PKP4: variants seen among roughly 807,000 people sequenced by gnomAD.
PKP4 encodes plakophilin 4, also known as plakophilin-4.
Under a neutral mutation model 145.1 loss-of-function variants are expected in PKP4, and 90 were observed. That is an observed-to-expected ratio of 0.62 (90% confidence interval 0.52 to 0.74). PKP4 has a LOEUF of 0.74. PKP4 is among the 30% of genes least tolerant of loss of function. The probability of loss-of-function intolerance (pLI) is 0.00; values close to 1 mark genes in which losing one functional copy is unlikely to be tolerated. For missense variants in PKP4, 1,340 were observed against 1,482.7 expected, an observed-to-expected ratio of 0.90 and a Z score of 1.58; for synonymous variants, 563 against 577.2, an observed-to-expected ratio of 0.98 and a Z score of 0.35.
chr2:158,503,381 A>G (rs1386027240), intron 1 of PKP4, among the ~76,000 whole-genome samples: 1 of 152,236 alleles, frequency 6.6e-6, no homozygotes, highest in Non-Finnish European at 1.5e-5. Context: ...AAATATTTTG[A>G]TAATTTATAA....
In PKP4 at chr2:158,494,906, G is replaced by T. The variant is rs186686954; in HGVS notation, c.-6+37688G>T. 2.5e-3 allele frequency among the ~76,000 whole-genome samples: 380 copies of T among 151,642 alleles called. 1 individual carries two copies. The highest frequency in any genetic ancestry group is 2.5e-3 in the Non-Finnish European group (171 of 67,942). ...TTTTTTTTAAAGTTGTGCATTTTTA[G>T]TAGTCAGGAAAACTATTAAATCAAT... On this transcript the variant is annotated intron_variant, in intron 1 of 21. Transcript: ENST00000389759.
chr2:158,609,050 C>T (rs1364857956), intron 4 of PKP4, among the ~76,000 whole-genome samples: 2 of 151,828 alleles, frequency 1.3e-5, no homozygotes, highest in Non-Finnish European at 2.9e-5. Context: ...CTCCTAACCT[C>T]AGGTGATCCG....
chr2:158,583,396 C>G (rs542956055), intron 3 of PKP4, among the ~76,000 whole-genome samples: 3 of 152,146 alleles, frequency 2.0e-5, no homozygotes, highest in East Asian at 3.9e-4. Flanking sequence ...CGTATTCTTA[C>G]TCCGTATTTT....
chr2:158,591,897 T>C (rs761177152), intron 3 of PKP4, among the ~76,000 whole-genome samples: 18 of 152,112 alleles, frequency 1.2e-4, no homozygotes, highest in South Asian at 2.1e-4. Context: ...CTCTGTTATG[T>C]TGTAAATTGT....
At chr2:158,638,895 G>A (rs1232061982) in intron 9 of PKP4, among the ~76,000 whole-genome samples, 1 of 152,106 alleles carries the variant, frequency 6.6e-6, no homozygotes, top group African/African-American at 2.4e-5. Flanking sequence ...CCATCTTTTT[G>A]TATTCTAGGG....
At chr2:158,472,154 TA>T (rs1691666898) in intron 1 of PKP4, among the ~76,000 whole-genome samples, 1 of 152,158 alleles carries the variant, frequency 6.6e-6, no homozygotes, top group African/African-American at 2.4e-5. Flanking sequence ...GAGTGGATGT[TA>T]GGGGTTCTCA....
At chr2:158,671,898 T>C (rs968664687) in intron 17 of PKP4, among the ~76,000 whole-genome samples, 1 of 152,082 alleles carries the variant, frequency 6.6e-6, no homozygotes, top group Non-Finnish European at 1.5e-5. Flanking sequence ...AGCACAGAGC[T>C]GGAGGAGGCA....
chr2:158,645,909 G>A (rs377249513), intron 11 of PKP4, among the ~76,000 whole-genome samples: 9 of 152,242 alleles, frequency 5.9e-5, no homozygotes, highest in East Asian at 5.8e-4. Flanking sequence ...AGTAGAGCCC[G>A]ACTTTACTAC....
chr2:158,591,280 T>C (rs1268870192), intron 3 of PKP4, among the ~76,000 whole-genome samples: 2 of 152,078 alleles, frequency 1.3e-5, no homozygotes, highest in Non-Finnish European at 2.9e-5. Context: ...ACTGACTAGA[T>C]ACTTGTTGAT....
At chr2:158,496,423 T>C (rs1207519337) in intron 1 of PKP4, among the ~76,000 whole-genome samples, 1 of 152,224 alleles carries the variant, frequency 6.6e-6, no homozygotes, top group African/African-American at 2.4e-5. Context: ...ATTCTGTGAA[T>C]TTGTTGGTGC....
At chr2:158,561,081 C>T (rs1041185215) in intron 2 of PKP4, among the ~76,000 whole-genome samples, 2 of 152,140 alleles carry the variant, frequency 1.3e-5, no homozygotes, top group Non-Finnish European at 2.9e-5. Context: ...TAATCAAAGG[C>T]AGAATATTTG....
chr2:158,602,536 A>C (rs1192797634), intron 3 of PKP4, among the ~76,000 whole-genome samples: 3 of 152,162 alleles, frequency 2.0e-5, no homozygotes, highest in African/African-American at 7.2e-5. Context: ...ACCCTCTAAT[A>C]ACCAAGGAAA....
intron 1 of PKP4, among the ~76,000 whole-genome samples, chr2:158,503,547 A>T (rs912604786): frequency 6.6e-6 from 1 of 152,122 alleles, no homozygotes; most frequent in Non-Finnish European, 1.5e-5. Flanking sequence ...TGTAATTTTT[A>T]ATTGTGTTTT....
At chr2:158,572,063 C>G (rs1165798196) in intron 2 of PKP4, among the ~76,000 whole-genome samples, 1 of 151,910 alleles carries the variant, frequency 6.6e-6, no homozygotes, top group Non-Finnish European at 1.5e-5. Context: ...TCAACCTAAA[C>G]AGGAAGAGAA....
At chr2:158,518,612 C>T (rs544123034) in intron 1 of PKP4, among the ~76,000 whole-genome samples, 14 of 152,326 alleles carry the variant, frequency 9.2e-5, no homozygotes, top group African/African-American at 3.4e-4. Context: ...AAATCATTTG[C>T]TTTGCACTGT....
chr2:158,492,005 C>T (rs930644452), intron 1 of PKP4, among the ~76,000 whole-genome samples: 30 of 152,186 alleles, frequency 2.0e-4, no homozygotes, highest in Non-Finnish European at 2.6e-4. Flanking sequence ...GATGATGTCT[C>T]GCTATCTTGG....
intron 4 of PKP4, among the ~76,000 whole-genome samples, chr2:158,615,683 A>G (rs60105035): frequency 0.068 from 10,398 of 152,232 alleles, 867 homozygotes; most frequent in African/African-American, 0.19. Flanking sequence ...GGAAATCACT[A>G]CGATACCAGT....
chr2:158,608,050 A>G (rs6751059), intron 4 of PKP4, among the ~76,000 whole-genome samples: 29,274 of 152,180 alleles, frequency 0.19, 3,632 homozygotes, highest in Middle Eastern at 0.36. Context: ...AAATAACAAA[A>G]GTATGATTAG....
At position 158,616,939 on chromosome 2, in the gene PKP4, TG is replaced by T. The variant is rs200065738; in HGVS notation, c.281-4047del. 4.4e-3 allele frequency among the ~76,000 whole-genome samples: 665 copies of T among 152,286 alleles called. 1 individual carries two copies. Among genetic ancestry groups the T allele is most frequent in the Non-Finnish European group, 7.5e-3 (513 of 68,016 alleles). ...TATCTTCATGCACACACTGTATATT[TG>T]GGGATGTACATTATAAAAAAGATAA... On this transcript the variant is annotated intron_variant, in intron 4 of 21. Transcript: ENST00000389759.
Sources: gnomAD v4.1 joint callset for allele counts (sites outside exome capture counted in the v4.1 genomes callset) on GRCh38, gnomAD v4.1.1 for gene constraint, MANE v1.5 for transcripts, NCBI Gene and HGNC (gene_info 2026-07-23, HGNC 2026-07-21) for gene names.